ZEB1: variants seen among roughly 807,000 people sequenced by gnomAD.
ZEB1 encodes zinc finger E-box-binding homeobox 1.
ZEB1 carries 21 observed loss-of-function variants against 84.9 expected under a neutral mutation model. The ratio of observed to expected loss-of-function variants is 0.25; its 90% CI spans 0.18 to 0.36. ZEB1 has a LOEUF of 0.36. Among genes scored for constraint, ZEB1 ranks in the 10% least tolerant of loss-of-function variants. The pLI, the probability that ZEB1 is intolerant of heterozygous loss-of-function variation, is 1.00. For synonymous variants in ZEB1, 420 were observed against 471.1 expected, an observed-to-expected ratio of 0.89 and a Z score of 1.41; for missense variants, 1,104 against 1,330.2, an observed-to-expected ratio of 0.83 and a Z score of 2.65.
At chr10:31,467,649 C>G (rs2062611237) in intron 2 of ZEB1, among the ~76,000 whole-genome samples, 2 of 152,258 alleles carry the variant, frequency 1.3e-5, no homozygotes, top group South Asian at 4.1e-4. Flanking sequence ...ATCCACTGGC[C>G]TGGTCTCAGT....
At chr10:31,424,205 T>C (rs1240912731) in intron 1 of ZEB1, among the ~76,000 whole-genome samples, 1 of 152,054 alleles carries the variant, frequency 6.6e-6, no homozygotes, top group East Asian at 1.9e-4. Context: ...TATGGAGTTA[T>C]TGCAAACCAA....
chr10:31,478,949 T>C (rs1235239876), intron 2 of ZEB1, among the ~76,000 whole-genome samples: 2 of 151,834 alleles, frequency 1.3e-5, no homozygotes, highest in Non-Finnish European at 2.9e-5. Context: ...GGATTATGGG[T>C]ACATTAGAAG....
At chr10:31,430,836 G>T (rs114934207) in intron 1 of ZEB1, among the ~76,000 whole-genome samples, 1 of 152,184 alleles carries the variant, frequency 6.6e-6, no homozygotes, top group South Asian at 2.1e-4. Context: ...AGAGGCTTTA[G>T]AAGCTAGTGT....
At chr10:31,365,137 A>G (rs537071901) in intron 1 of ZEB1, among the ~76,000 whole-genome samples, 1 of 152,346 alleles carries the variant, frequency 6.6e-6, no homozygotes, top group African/African-American at 2.4e-5. Flanking sequence ...ATTATTCCAT[A>G]TGGATAAAAG....
intron 2 of ZEB1, among the ~76,000 whole-genome samples, chr10:31,473,919 A>C (rs1455471009): frequency 6.6e-6 from 1 of 151,800 alleles, no homozygotes; most frequent in Non-Finnish European, 1.5e-5. Context: ...ATCTACAACT[A>C]TCTGATCTTT....
At chr10:31,342,367 T>TG (rs1292117268) in intron 1 of ZEB1, among the ~76,000 whole-genome samples, 9 of 152,122 alleles carry the variant, frequency 5.9e-5, no homozygotes, top group African/African-American at 1.9e-4. Context: ...ATTTTAGGTC[T>TG]GGAGATCTCT....
intron 5 of ZEB1, among the ~76,000 whole-genome samples, chr10:31,511,812 CCAAA>C (rs1366276272): frequency 3.3e-5 from 5 of 151,878 alleles, no homozygotes; most frequent in Admixed American, 3.3e-4. Context: ...GATGGCTAGG[CCAAA>C]CAAACAACAA....
chr10:31,392,703 T>A (rs1422290200), intron 1 of ZEB1, among the ~76,000 whole-genome samples: 1 of 152,004 alleles, frequency 6.6e-6, no homozygotes, highest in East Asian at 1.9e-4. Context: ...AAAAGAAATA[T>A]AGAGGATGTT....
chr10:31,474,890 G>A (rs1195780551), intron 2 of ZEB1, among the ~76,000 whole-genome samples: 2 of 152,080 alleles, frequency 1.3e-5, no homozygotes, highest in African/African-American at 2.4e-5. Flanking sequence ...CATAAAAAAG[G>A]ATGAGTTCAT....
In ZEB1 at chr10:31,527,072, GGAT is replaced by G; in HGVS notation, c.3189_3191del (p.Asp1063del). On this transcript the variant is annotated inframe_deletion, in exon 9 of 9. Coordinates refer to ENST00000424869, the MANE Select transcript of ZEB1 (RefSeq NM_001174096.2). ...AAAAAGAATGTGAAAAACCACAAGG[GGAT>G]GAGGAAGAGGAGGAGGAGGAGGAAG... 6.3e-7 allele frequency: 1 copy of G among 1,586,692 alleles called. No homozygotes were observed. Among genetic ancestry groups the G allele is most frequent in the Non-Finnish European group, 8.6e-7 (1 of 1,163,826 alleles).
chr10:31,327,094 CTTTTCT>C (rs2035665785), intron 1 of ZEB1, among the ~76,000 whole-genome samples: 2 of 117,286 alleles, frequency 1.7e-5, no homozygotes, highest in African/African-American at 6.6e-5. Context: ...TTTTTCTTTT[CTTTTCT>C]TTTTTTTTTT....
intron 1 of ZEB1, among the ~76,000 whole-genome samples, chr10:31,456,273 G>C (rs2061214047): frequency 6.6e-6 from 1 of 152,120 alleles, no homozygotes; most frequent in Non-Finnish European, 1.5e-5. Flanking sequence ...TGGGGGTCTA[G>C]GGGAGAATAG....
chr10:31,483,366 T>A (rs1320584296), intron 2 of ZEB1, among the ~76,000 whole-genome samples: 1 of 152,012 alleles, frequency 6.6e-6, no homozygotes, highest in Non-Finnish European at 1.5e-5. Flanking sequence ...GTACATTAAG[T>A]AATGGAAAGC....
At chr10:31,321,337 A>T (rs189307004) in intron 1 of ZEB1, 2 of 1,455,996 alleles carry the variant, frequency 1.4e-6, no homozygotes, top group African/African-American at 1.4e-5. Flanking sequence ...TAATTATTCA[A>T]ATAAACACTT....
intron 1 of ZEB1, among the ~76,000 whole-genome samples, chr10:31,395,824 C>G (rs895122146): frequency 1.3e-5 from 2 of 152,168 alleles, no homozygotes; most frequent in African/African-American, 4.8e-5. Flanking sequence ...AAACAAATGC[C>G]TGAGACCTAC....
intron 1 of ZEB1, among the ~76,000 whole-genome samples, chr10:31,452,153 C>A (rs2137078362): frequency 6.6e-6 from 1 of 151,770 alleles, no homozygotes; most frequent in Admixed American, 6.6e-5. Flanking sequence ...AAAATTTCAC[C>A]CAAAATTTAC....
chr10:31,369,374 A>T (rs2045267835), intron 1 of ZEB1, among the ~76,000 whole-genome samples: 1 of 152,108 alleles, frequency 6.6e-6, no homozygotes. Flanking sequence ...CTCCTACCCT[A>T]GCCTCTGGTA....
At chr10:31,339,412 G>A (rs1347282564) in intron 1 of ZEB1, among the ~76,000 whole-genome samples, 3 of 152,080 alleles carry the variant, frequency 2.0e-5, no homozygotes, top group African/African-American at 7.2e-5. Flanking sequence ...CATATTGTAA[G>A]GACTTATTTA....
At chr10:31,502,567 C>T in intron 4 of ZEB1, 58 bp downstream of exon 4, 1 of 1,608,510 alleles carries the variant, frequency 6.2e-7, no homozygotes, top group Non-Finnish European at 8.5e-7. Context: ...TTGTTTCTAC[C>T]ATTCTACTAT....
Sources: gnomAD v4.1 joint callset for allele counts (sites outside exome capture counted in the v4.1 genomes callset) on GRCh38, gnomAD v4.1.1 for gene constraint, MANE v1.5 for transcripts, NCBI Gene and HGNC (gene_info 2026-07-23, HGNC 2026-07-21) for gene names.